Variants in PCDH15 observed in about 807,000 individuals in gnomAD.
PCDH15 encodes protocadherin-15.
PCDH15 carries 129 observed loss-of-function variants against 178.5 expected under a neutral mutation model. The observed-to-expected ratio is 0.72, with a 90% CI of 0.63 to 0.84. The LOEUF (loss-of-function observed/expected upper bound fraction) is 0.84, where lower values mean the gene tolerates loss of function less well. Ranked by LOEUF, PCDH15 falls within the 40% of genes least tolerant of loss-of-function variation. The pLI is 0.00. For synonymous variants in PCDH15, 800 were observed against 732.0 expected, an observed-to-expected ratio of 1.09 and a Z score of -1.50; for missense variants, 2,230 against 2,099.9, an observed-to-expected ratio of 1.06 and a Z score of -1.21.
intron 2 of PCDH15, among the ~76,000 whole-genome samples, chr10:55,435,076 G>C (rs770255446): frequency 2.6e-5 from 4 of 152,292 alleles, no homozygotes; most frequent in South Asian, 4.1e-4. Context: ...AGGGAAAGAA[G>C]ATGGAAATGT....
Position 55,236,161 on chromosome 10 carries a change from T to C in PCDH15, c.-155-69510A>G, listed in dbSNP as rs969162160. Among the ~76,000 whole-genome samples, 4 of 151,990 alleles carry C rather than the reference T, an allele frequency of 2.6e-5. No individual in the cohort carries two copies. In the South Asian group the frequency reaches 8.3e-4, roughly 31 times the overall value. ...ATGCAGTGTTTCTGTTGAGTTTGAA[T>C]AGCTTGATTTAAATGAAGTATCTAG... On this transcript the variant is annotated intron_variant, in intron 1 of 5. Transcript: ENST00000458638.
intron 2 of PCDH15, among the ~76,000 whole-genome samples, chr10:55,432,113 A>ACACACACACACACACACACC (rs1323678393): frequency 7.0e-6 from 1 of 142,696 alleles, no homozygotes; most frequent in Non-Finnish European, 1.5e-5. Context: ...ACACACACAC[A>ACACACACACACACACACACC]CCACAAGTCT....
intron 2 of PCDH15, among the ~76,000 whole-genome samples, chr10:55,081,914 A>C (rs1355626559): frequency 1.3e-5 from 2 of 152,196 alleles, no homozygotes; most frequent in South Asian, 2.1e-4. Context: ...TGGAGCACCC[A>C]GACATATAAA....
At chr10:55,582,906 T>C (rs1475650339) in intron 2 of PCDH15, among the ~76,000 whole-genome samples, 1 of 152,000 alleles carries the variant, frequency 6.6e-6, no homozygotes, top group Non-Finnish European at 1.5e-5. Flanking sequence ...TTTAAATACG[T>C]AATTGCCATT....
At chr10:55,512,155 A>T (rs1234206216) in intron 2 of PCDH15, among the ~76,000 whole-genome samples, 1 of 152,136 alleles carries the variant, frequency 6.6e-6, no homozygotes, top group Non-Finnish European at 1.5e-5. Flanking sequence ...TTCTTAAATC[A>T]AAATGGTGTT....
At chr10:54,848,843 A>C (rs891508699) in intron 3 of PCDH15, among the ~76,000 whole-genome samples, 5 of 152,198 alleles carry the variant, frequency 3.3e-5, no homozygotes, top group African/African-American at 1.2e-4. Flanking sequence ...AGGCTAGATG[A>C]GGTCTTGCTG....
chr10:54,084,148 T>C (rs1479795987), intron 16 of PCDH15, among the ~76,000 whole-genome samples: 1 of 151,544 alleles, frequency 6.6e-6, no homozygotes, highest in Non-Finnish European at 1.5e-5. Context: ...AGCAATGGCA[T>C]GATCTCCGCT....
chr10:54,888,789 CTTTTTTT>C (rs59914980), intron 3 of PCDH15, among the ~76,000 whole-genome samples: 1 of 110,170 alleles, frequency 9.1e-6, no homozygotes, highest in Admixed American at 9.2e-5. Flanking sequence ...TTCATTTTTT[CTTTTTTT>C]TTTTTTTAAG....
chr10:55,372,771 C>A (rs74136620), intron 2 of PCDH15, among the ~76,000 whole-genome samples: 1 of 152,248 alleles, frequency 6.6e-6, no homozygotes, highest in African/African-American at 2.4e-5. Flanking sequence ...TCTGACACAT[C>A]ATTTCTGTAA....
intron 33 of PCDH15, among the ~76,000 whole-genome samples, chr10:53,818,646 C>A (rs1490925614): frequency 6.6e-6 from 1 of 151,844 alleles, no homozygotes; most frequent in Non-Finnish European, 1.5e-5. Flanking sequence ...GATGGTGAAA[C>A]GTTTGACTAT....
At chr10:55,212,590 A>C (rs1053362561) in intron 1 of PCDH15, among the ~76,000 whole-genome samples, 1 of 152,040 alleles carries the variant, frequency 6.6e-6, no homozygotes, top group African/African-American at 2.4e-5. Flanking sequence ...AACATCAGTA[A>C]CTTACTAAAC....
At chr10:54,795,662 T>C (rs949571493) in intron 1 of PCDH15, among the ~76,000 whole-genome samples, 6 of 151,876 alleles carry the variant, frequency 4.0e-5, no homozygotes, top group African/African-American at 1.4e-4. Context: ...TGAAATATGC[T>C]TTTTCATTTA....
chr10:55,611,382 T>C (rs1362251290), intron 2 of PCDH15, among the ~76,000 whole-genome samples: 1 of 152,000 alleles, frequency 6.6e-6, no homozygotes, highest in Admixed American at 6.6e-5. Context: ...AAAGAAGACA[T>C]ACAAATGGCC....
chr10:55,048,510 T>G (rs1215760263), intron 2 of PCDH15, among the ~76,000 whole-genome samples: 2 of 151,936 alleles, frequency 1.3e-5, no homozygotes, highest in African/African-American at 4.8e-5. Flanking sequence ...TTAATTGTTT[T>G]TAAAAAGTTA....
At chr10:54,257,279 G>A (rs911635958) in intron 8 of PCDH15, among the ~76,000 whole-genome samples, 7 of 152,016 alleles carry the variant, frequency 4.6e-5, no homozygotes, top group African/African-American at 1.4e-4. Context: ...ACAGAGGGTT[G>A]CGTTATGAGG....
chr10:55,154,410 C>G (rs1035519410), intron 2 of PCDH15, among the ~76,000 whole-genome samples: 2 of 152,048 alleles, frequency 1.3e-5, no homozygotes, highest in Non-Finnish European at 2.9e-5. Context: ...ACAAAGGAGA[C>G]TACTGGTACT....
chr10:55,535,368 A>T (rs1328019464), intron 2 of PCDH15, among the ~76,000 whole-genome samples: 3 of 152,060 alleles, frequency 2.0e-5, no homozygotes, highest in African/African-American at 7.2e-5. Context: ...TAGATGGAGA[A>T]CAGAATAAGC....
intron 9 of PCDH15, among the ~76,000 whole-genome samples, chr10:54,234,222 T>C (rs1045850601): frequency 2.0e-5 from 3 of 151,752 alleles, no homozygotes; most frequent in African/African-American, 7.3e-5. Context: ...ACCAGACTGA[T>C]GTGACTTAGG....
intron 3 of PCDH15, among the ~76,000 whole-genome samples, chr10:54,880,605 GT>G (rs1441114787): frequency 6.6e-6 from 1 of 150,642 alleles, no homozygotes; most frequent in Admixed American, 6.6e-5. Flanking sequence ...TTTCACTAAG[GT>G]TAAAAAAAAA....
Sources: gnomAD v4.1 joint callset for allele counts (sites outside exome capture counted in the v4.1 genomes callset) on GRCh38, gnomAD v4.1.1 for gene constraint, MANE v1.5 for transcripts, NCBI Gene and HGNC (gene_info 2026-07-23, HGNC 2026-07-21) for gene names.